The following LCMT1 variants were observed in gnomAD, a reference collection of about 807,000 sequenced individuals.
LCMT1 encodes leucine carboxyl methyltransferase 1.
A neutral mutation model predicts 47.7 loss-of-function variants in LCMT1; 32 were observed. The observed-to-expected ratio is 0.67, with a 90% CI of 0.51 to 0.90. LCMT1 has a LOEUF of 0.90. Ranked by LOEUF, LCMT1 falls within the 40% of genes least tolerant of loss-of-function variation. The probability of loss-of-function intolerance (pLI) is 0.00; values close to 1 mark genes in which losing one functional copy is unlikely to be tolerated. For missense variants in LCMT1, 375 were observed against 415.2 expected (o/e 0.90, Z 0.84); for synonymous variants, 152 against 149.7 (o/e 1.02, Z -0.11).
intron 4 of LCMT1, 135 bp from the exon 5 acceptor site, chr16:25,151,418 GC>G (rs1961076341): frequency 1.4e-6 from 1 of 702,390 alleles, no homozygotes. Context: ...TTTTAGAGGG[GC>G]CCCTGCTTTG....
At chr16:25,117,605 G>A (rs1959836665) in intron 1 of LCMT1, among the ~76,000 whole-genome samples, 1 of 152,156 alleles carries the variant, frequency 6.6e-6, no homozygotes, top group Non-Finnish European at 1.5e-5. Context: ...TGTAATCCCA[G>A]CACTTTCGGA....
intron 3 of LCMT1, among the ~76,000 whole-genome samples, chr16:25,136,090 C>CAAA (rs36051960): frequency 1.9e-4 from 13 of 69,096 alleles, no homozygotes; most frequent in African/African-American, 3.5e-4. Context: ...GATGCTGTCT[C>CAAA]AAAAAAAAAA....
chr16:25,153,953 AT>A (rs1208482659), intron 5 of LCMT1, among the ~76,000 whole-genome samples: 23 of 152,234 alleles, frequency 1.5e-4, no homozygotes, highest in African/African-American at 5.3e-4. Flanking sequence ...ATGAGAGTCT[AT>A]CCAAAAGAAA....
chr16:25,136,595 G>T (rs898926744), intron 3 of LCMT1, among the ~76,000 whole-genome samples: 6 of 151,996 alleles, frequency 3.9e-5, no homozygotes, highest in Non-Finnish European at 7.4e-5. Context: ...TGTTGCCCAG[G>T]CTGCAGTGCA....
intron 1 of LCMT1, among the ~76,000 whole-genome samples, chr16:25,125,567 G>A (rs1960143441): frequency 6.6e-6 from 1 of 152,042 alleles, no homozygotes; most frequent in South Asian, 2.1e-4. Context: ...GGGCGCGGTG[G>A]CTCACACCTG....
At chr16:25,172,125 G>T (rs1401281612) in intron 9 of LCMT1, among the ~76,000 whole-genome samples, 2 of 152,060 alleles carry the variant, frequency 1.3e-5, no homozygotes, top group Admixed American at 6.6e-5. Context: ...GGCCAACATG[G>T]TGAAACCCTG....
intron 1 of LCMT1, among the ~76,000 whole-genome samples, chr16:25,113,358 A>G (rs1337006340): frequency 6.6e-6 from 1 of 152,220 alleles, no homozygotes; most frequent in Non-Finnish European, 1.5e-5. Context: ...AAACTTTCAG[A>G]GCATGGATTC....
intron 1 of LCMT1, among the ~76,000 whole-genome samples, chr16:25,119,315 A>C (rs1483793626): frequency 1.3e-5 from 2 of 150,410 alleles, no homozygotes; most frequent in Admixed American, 6.6e-5. Context: ...CACCCTGTTC[A>C]TCTTCTTGGT....
Position 25,158,554 on chromosome 16 carries a change from C to T in LCMT1, c.467-2548C>T, listed in dbSNP as rs1241027563. On this transcript the variant is annotated intron_variant, in intron 5 of 10. Transcript: ENST00000399069. ...GGATTGTAGATCTCATTTTGGCAAC[C>T]AAGTTATCTTTCCCACCAGCTCTCA... Among the ~76,000 whole-genome samples the T allele has an allele frequency of 2.0e-5, 3 of 150,768 alleles. No homozygotes were observed. The East Asian group carries it at 5.9e-4, about 30-fold the overall frequency.
intron 5 of LCMT1, among the ~76,000 whole-genome samples, chr16:25,157,168 G>A (rs370489640): frequency 2.0e-5 from 3 of 151,964 alleles, no homozygotes; most frequent in African/African-American, 4.8e-5. Context: ...GTGTGTGTGT[G>A]TGTATGTGTT....
chr16:25,145,978 T>C (rs1960837881), intron 4 of LCMT1: 2 of 152,314 alleles, frequency 1.3e-5, no homozygotes, highest in Non-Finnish European at 1.5e-5. Flanking sequence ...TGCCTCTACC[T>C]GCAGTCTGTC....
At chr16:25,177,704 G>A (rs1242135524) in intron 10 of LCMT1, among the ~76,000 whole-genome samples, 2 of 152,172 alleles carry the variant, frequency 1.3e-5, no homozygotes, top group Non-Finnish European at 2.9e-5. Context: ...GTGTGTGGAA[G>A]ATCCGTATCT....
At chr16:25,120,838 C>T (rs1245128280) in intron 1 of LCMT1, among the ~76,000 whole-genome samples, 1 of 148,088 alleles carries the variant, frequency 6.8e-6, no homozygotes, top group African/African-American at 2.5e-5. Context: ...GCGTTTACCT[C>T]CCCGGGCTCA....
intron 4 of LCMT1, chr16:25,141,757 A>G (rs1401261450): frequency 6.6e-6 from 1 of 152,256 alleles, no homozygotes; most frequent in Non-Finnish European, 1.5e-5. Context: ...TTGTTCAGCC[A>G]GAAGATATTC....
At chr16:25,168,253 T>A (rs1461870711) in intron 7 of LCMT1, among the ~76,000 whole-genome samples, 1 of 152,124 alleles carries the variant, frequency 6.6e-6, no homozygotes, top group African/African-American at 2.4e-5. Context: ...TTCACCATGT[T>A]GGCCAGGCTG....
intron 8 of LCMT1, 44 bp from the exon 9 acceptor site, chr16:25,170,670 T>A (rs1298613302): frequency 1.4e-6 from 2 of 1,442,198 alleles, no homozygotes; most frequent in East Asian, 4.6e-5. Flanking sequence ...AGCCGGTGCC[T>A]GGTAGTTCTC....
At chr16:25,122,351 G>A (rs1346435095) in intron 1 of LCMT1, among the ~76,000 whole-genome samples, 1 of 152,178 alleles carries the variant, frequency 6.6e-6, no homozygotes. Context: ...TGTCGCCCAG[G>A]CTGGAGAGCA....
At chr16:25,164,545 G>A (rs1961528994) in intron 6 of LCMT1, 53 bp from the exon 7 acceptor site, 2 of 1,611,322 alleles carry the variant, frequency 1.2e-6, no homozygotes, top group Admixed American at 1.7e-5. Context: ...ACAATTAGAG[G>A]GTCCTGACTT....
At chr16:25,117,403 C>G (rs1382331217) in intron 1 of LCMT1, among the ~76,000 whole-genome samples, 3 of 152,204 alleles carry the variant, frequency 2.0e-5, no homozygotes, top group African/African-American at 7.2e-5. Context: ...ATGATCTGCT[C>G]ACTCTAGCCT....
Sources: allele counts gnomAD v4.1 joint callset (sites outside exome capture counted in the v4.1 genomes callset), GRCh38; gene constraint gnomAD v4.1.1; transcripts MANE v1.5; gene names NCBI Gene and HGNC (gene_info 2026-07-23, HGNC 2026-07-21).